EFHC2: variants seen among roughly 807,000 people sequenced by gnomAD.
The protein encoded by EFHC2 is EF-hand domain-containing family member C2.
A neutral mutation model predicts 52.7 loss-of-function variants in EFHC2; 18 were observed. The ratio of observed to expected loss-of-function variants is 0.34; its 90% confidence interval spans 0.24 to 0.51. The LOEUF (loss-of-function observed/expected upper bound fraction) is 0.51, where lower values mean the gene tolerates loss of function less well. Ranked by LOEUF, EFHC2 falls within the 20% of genes least tolerant of loss-of-function variation. EFHC2 has a pLI of 0.97. For synonymous variants in EFHC2, 203 were observed against 204.1 expected (o/e 0.99, Z 0.04); for missense variants, 513 against 562.5 (o/e 0.91, Z 0.89).
Position 44,231,472 on chromosome X carries a change from G to A in EFHC2, c.1620+1009C>T, listed in dbSNP as rs1380964445. On this transcript the variant is annotated intron_variant, in intron 10 of 14. Transcript: ENST00000420999. ...CTACCCACCCCTCCTCCTTCCTTTC[G>A]CTCTCCTTCCATAGGGGTTCAACCT... 3.7e-5 allele frequency among the ~76,000 whole-genome samples: 4 copies of A among 107,559 alleles called. No individual in the cohort carries two copies. In the East Asian group the frequency reaches 8.8e-4, roughly 24 times the overall value. The allele number at this position is 107,559 out of a possible 115,157, so 93.4% of individuals were successfully genotyped here. A position where few individuals can be genotyped will look rare whatever the true frequency, so the allele number is the denominator to read the frequency against.
intron 14 of EFHC2, 84 bp from the exon 15 acceptor site, chrX:44,148,980 G>T: frequency 1.2e-6 from 1 of 854,359 alleles, no homozygotes; most frequent in Non-Finnish European, 1.7e-6. Flanking sequence ...TATTTGCAAA[G>T]TGAAAATTTC....
intron 2 of EFHC2, among the ~76,000 whole-genome samples, chrX:44,290,084 T>C (rs1449564638): frequency 8.9e-6 from 1 of 112,228 alleles, no homozygotes; most frequent in East Asian, 2.8e-4. Flanking sequence ...TTTAATTCTT[T>C]AGGAACAATT....
intron 14 of EFHC2, 82 bp downstream of exon 14, chrX:44,163,840 G>T: frequency 1.5e-6 from 1 of 686,781 alleles, no homozygotes; most frequent in Non-Finnish European, 2.2e-6. Flanking sequence ...ATTTTATAAT[G>T]AAAAATAATT....
At chrX:44,157,741 C>A (rs991263616) in intron 14 of EFHC2, among the ~76,000 whole-genome samples, 10 of 69,848 alleles carry the variant, frequency 1.4e-4, no homozygotes, top group Non-Finnish European at 2.3e-4. Flanking sequence ...GCTCCACCCC[C>A]CTCCCCGCCC....
At chrX:44,238,852 T>C (rs1057481545) in intron 8 of EFHC2, among the ~76,000 whole-genome samples, 7 of 112,142 alleles carry the variant, frequency 6.2e-5, no homozygotes, top group Non-Finnish European at 1.3e-4. Flanking sequence ...TTGTAAATAC[T>C]TCATAATTTA....
chrX:44,172,762 T>C (rs915240), intron 13 of EFHC2, among the ~76,000 whole-genome samples: 13,369 of 111,860 alleles, frequency 0.12, 739 homozygotes, highest in African/African-American at 0.21. Context: ...ATGTACCTTT[T>C]AATATGCTCA....
At chrX:44,153,498 C>T (rs1569271880) in intron 14 of EFHC2, among the ~76,000 whole-genome samples, 1 of 111,682 alleles carries the variant, frequency 9.0e-6, no homozygotes, top group South Asian at 3.7e-4. Flanking sequence ...ATTAACAGTG[C>T]TGTGGGTCCA....
chrX:44,188,001 C>A (rs1032493648), intron 11 of EFHC2, among the ~76,000 whole-genome samples: 1 of 103,905 alleles, frequency 9.6e-6, no homozygotes, highest in Non-Finnish European at 2.0e-5. Flanking sequence ...AACAGAGTCT[C>A]GCTCTGTCAC....
chrX:44,156,532 G>A (rs1242738654), intron 14 of EFHC2, among the ~76,000 whole-genome samples: 1 of 111,564 alleles, frequency 9.0e-6, no homozygotes. Flanking sequence ...CAAGGCGGGT[G>A]TCCAAAGATG....
chrX:44,283,499 C>T (rs774830935), intron 2 of EFHC2, among the ~76,000 whole-genome samples: 1 of 109,484 alleles, frequency 9.1e-6, no homozygotes, highest in Non-Finnish European at 1.9e-5. Flanking sequence ...AGCACTTTGA[C>T]TCCCCGGAAG....
intron 2 of EFHC2, among the ~76,000 whole-genome samples, chrX:44,278,377 AAAAC>A (rs1402356297): frequency 8.9e-6 from 1 of 112,070 alleles, no homozygotes; most frequent in African/African-American, 3.2e-5. Flanking sequence ...CATTCCGTGA[AAAAC>A]AAACAAACAA....
intron 3 of EFHC2, among the ~76,000 whole-genome samples, chrX:44,267,812 C>T (rs2037588991): frequency 1.8e-5 from 2 of 111,998 alleles, no homozygotes; most frequent in East Asian, 2.8e-4. Context: ...GAACCACTGG[C>T]TCATTAAGTG....
At chrX:44,330,578 G>A (rs887374885) in intron 1 of EFHC2, among the ~76,000 whole-genome samples, 3 of 111,610 alleles carry the variant, frequency 2.7e-5, no homozygotes, top group East Asian at 2.8e-4. Context: ...GCTGAGGCAC[G>A]AGAGTCACTT....
chrX:44,245,970 G>A (rs992793129), intron 7 of EFHC2, among the ~76,000 whole-genome samples: 1 of 111,337 alleles, frequency 9.0e-6, no homozygotes, highest in Non-Finnish European at 1.9e-5. Context: ...TCCTTCCTGC[G>A]TGCTGCACAG....
intron 14 of EFHC2, among the ~76,000 whole-genome samples, chrX:44,158,133 A>G (rs958468017): frequency 9.0e-6 from 1 of 111,379 alleles, no homozygotes; most frequent in Non-Finnish European, 1.9e-5. Flanking sequence ...GTCACACTAG[A>G]CTGGGAAGGT....
chrX:44,337,232 C>T (rs767442875), intron 1 of EFHC2, among the ~76,000 whole-genome samples: 1 of 111,487 alleles, frequency 9.0e-6, no homozygotes, highest in African/African-American at 3.2e-5. Flanking sequence ...GAAAGGTAAG[C>T]TAAGTTTAAC....
intron 12 of EFHC2, 58 bp from the exon 13 acceptor site, chrX:44,176,442 T>A: frequency 1.2e-6 from 1 of 800,515 alleles, no homozygotes; most frequent in Non-Finnish European, 1.8e-6. Context: ...TAGTAATAAT[T>A]ACATACTATA....
intron 11 of EFHC2, among the ~76,000 whole-genome samples, chrX:44,211,506 C>T (rs866524367): frequency 1.4e-4 from 15 of 110,124 alleles, no homozygotes; most frequent in African/African-American, 2.7e-4. Context: ...CCAGCCTGGG[C>T]GACAGAGTGA....
chrX:44,194,053 T>G (rs775353345), intron 11 of EFHC2, among the ~76,000 whole-genome samples: 1 of 111,538 alleles, frequency 9.0e-6, no homozygotes, highest in East Asian at 2.8e-4. Flanking sequence ...GACCACTGAC[T>G]CACATGGAAG....
Sources: gnomAD v4.1 joint callset for allele counts (sites outside exome capture counted in the v4.1 genomes callset) on GRCh38, gnomAD v4.1.1 for gene constraint, MANE v1.5 for transcripts, NCBI Gene and HGNC (gene_info 2026-07-23, HGNC 2026-07-21) for gene names.